The following ROBO2 variants were observed in gnomAD, a reference collection of about 807,000 sequenced individuals.
ROBO2 encodes the protein roundabout homolog 2.
Under a neutral mutation model 160.8 loss-of-function variants are expected in ROBO2, and 53 were observed. That is an observed-to-expected ratio of 0.33 (90% CI 0.26 to 0.41). The LOEUF is 0.41. Among genes scored for constraint, ROBO2 ranks in the 10% least tolerant of loss-of-function variants. The pLI is 1.00. For missense variants in ROBO2, 1,577 were observed against 1,722.4 expected, an observed-to-expected ratio of 0.92 and a Z score of 1.49; for synonymous variants, 664 against 611.7, an observed-to-expected ratio of 1.09 and a Z score of -1.26.
chr3:76,779,261 A>G lies in ROBO2; in HGVS notation c.110-318753A>G, dbSNP rs527670323. Among the ~76,000 whole-genome samples the G allele has an allele frequency of 6.0e-5, 9 of 151,188 alleles. No individual in the cohort carries two copies. The South Asian group carries it at 1.9e-3, about 31-fold the overall frequency. On this transcript the variant is annotated intron_variant, in intron 2 of 26. Transcript: ENST00000487694. ...TTGAGGATAAGCATATACTCATGAAACTATCAATATCGTCAACGCCAAAAA... is the reference window on the plus strand; with the variant it reads ...TTGAGGATAAGCATATACTCATGAAGCTATCAATATCGTCAACGCCAAAAA...
At chr3:77,115,681 G>A (rs1224859546) in intron 2 of ROBO2, among the ~76,000 whole-genome samples, 2 of 152,100 alleles carry the variant, frequency 1.3e-5, no homozygotes, top group Non-Finnish European at 2.9e-5. Flanking sequence ...TTTTGTTTGG[G>A]AGTTTAAAGA....
intron 2 of ROBO2, among the ~76,000 whole-genome samples, chr3:76,957,052 T>C (rs1577825001): frequency 6.6e-6 from 1 of 152,152 alleles, no homozygotes; most frequent in East Asian, 1.9e-4. Flanking sequence ...CTTTGTTTAA[T>C]ACCTAAGTTT....
At chr3:76,423,552 C>G (rs1233005292) in intron 2 of ROBO2, among the ~76,000 whole-genome samples, 2 of 152,050 alleles carry the variant, frequency 1.3e-5, no homozygotes, top group African/African-American at 2.4e-5. Flanking sequence ...TGTAACCCAT[C>G]AGGTTAGAAA....
chr3:76,205,873 C>A (rs1002314768), intron 2 of ROBO2, among the ~76,000 whole-genome samples: 12 of 152,202 alleles, frequency 7.9e-5, no homozygotes, highest in African/African-American at 2.9e-4. Flanking sequence ...GGGTGACACA[C>A]TAGCATCTGG....
At chr3:76,220,153 A>G (rs1703862647) in intron 2 of ROBO2, among the ~76,000 whole-genome samples, 1 of 140,992 alleles carries the variant, frequency 7.1e-6, no homozygotes, top group African/African-American at 2.6e-5. Flanking sequence ...CAGGAAGGGG[A>G]ACATCACACA....
At chr3:76,073,581 G>A (rs1006072135) in intron 2 of ROBO2, among the ~76,000 whole-genome samples, 11 of 151,888 alleles carry the variant, frequency 7.2e-5, no homozygotes, top group African/African-American at 2.4e-4. Context: ...GTGAGCTACC[G>A]CGCCCGGCAG....
rs186403089 is a variant in ROBO2, at chr3:76,292,638, T to G, written c.109+355036T>G. ...AAGTGTGGTGTTTAAACTCAAATCA[T>G]AAGAAGTAACTCATCAATCACATTT... On this transcript the variant is annotated intron_variant, in intron 2 of 26. Transcript: ENST00000487694. Among the ~76,000 whole-genome samples the G allele has an allele frequency of 1.9e-4, 29 of 152,148 alleles. No individual in the cohort carries two copies. In the East Asian group the frequency reaches 4.8e-3, roughly 25 times the overall value.
chr3:76,062,791 G>A (rs1394748109), intron 2 of ROBO2, among the ~76,000 whole-genome samples: 3 of 152,130 alleles, frequency 2.0e-5, no homozygotes, highest in East Asian at 3.9e-4. Context: ...GCTTTGCTTT[G>A]TTTTTCCCCC....
At chr3:76,098,543 T>G (rs2069547363) in intron 2 of ROBO2, among the ~76,000 whole-genome samples, 1 of 120,142 alleles carries the variant, frequency 8.3e-6, no homozygotes, top group Non-Finnish European at 1.8e-5. Flanking sequence ...CATTAGTCTT[T>G]CTGATAAAAG....
intron 6 of ROBO2, among the ~76,000 whole-genome samples, chr3:77,525,903 G>T (rs78688625): frequency 0.22 from 33,531 of 150,612 alleles, 4,145 homozygotes; most frequent in Non-Finnish European, 0.29. Flanking sequence ...ATTCAAAGAT[G>T]AAAAACAAAG....
intron 2 of ROBO2, among the ~76,000 whole-genome samples, chr3:76,505,523 C>T (rs1490420936): frequency 1.3e-5 from 2 of 152,078 alleles, no homozygotes; most frequent in Admixed American, 1.3e-4. Context: ...GGTCATACTG[C>T]GGTAGGGTGG....
At chr3:76,759,800 G>C (rs1442399741) in intron 2 of ROBO2, among the ~76,000 whole-genome samples, 3 of 151,742 alleles carry the variant, frequency 2.0e-5, no homozygotes, top group Non-Finnish European at 4.4e-5. Context: ...CTTCATTGCT[G>C]TAACTTCCTA....
chr3:77,239,410 T>A (rs990330760), intron 2 of ROBO2, among the ~76,000 whole-genome samples: 1 of 152,144 alleles, frequency 6.6e-6, no homozygotes, highest in African/African-American at 2.4e-5. Context: ...GCAGTGAGTG[T>A]TACAACTCAT....
Position 76,599,951 on chromosome 3 carries a change from T to A in ROBO2, c.110-498063T>A, listed in dbSNP as rs138277963. ...ATAGATGCTAAATATTAGACCTTTG[T>A]CATGTGCATAGTTCTCAAATAGTTT... On this transcript the variant is annotated intron_variant, in intron 2 of 26. Transcript: ENST00000487694. Among the ~76,000 whole-genome samples, 3 of 152,366 alleles carry A rather than the reference T, an allele frequency of 2.0e-5. No individual in the cohort carries two copies. The East Asian group carries it at 5.8e-4, about 29-fold the overall frequency.
At chr3:75,984,437 T>A (rs1342408358) in intron 2 of ROBO2, among the ~76,000 whole-genome samples, 4 of 151,370 alleles carry the variant, frequency 2.6e-5, no homozygotes, top group African/African-American at 9.7e-5. Flanking sequence ...CAGATTAGGA[T>A]CTCTGGATAA....
At chr3:75,941,510 G>T (rs1948052531) in intron 2 of ROBO2, among the ~76,000 whole-genome samples, 3 of 152,156 alleles carry the variant, frequency 2.0e-5, no homozygotes, top group Middle Eastern at 3.4e-3. Flanking sequence ...TAATCAATTT[G>T]GTTTCCACGA....
intron 2 of ROBO2, among the ~76,000 whole-genome samples, chr3:76,891,307 A>T (rs1333185558): frequency 6.6e-6 from 1 of 152,210 alleles, no homozygotes; most frequent in Admixed American, 6.5e-5. Context: ...TATGGAATAA[A>T]TTGGATGGAT....
intron 4 of ROBO2, among the ~76,000 whole-genome samples, chr3:77,489,176 A>G (rs2085755248): frequency 6.6e-6 from 1 of 152,210 alleles, no homozygotes; most frequent in Non-Finnish European, 1.5e-5. Flanking sequence ...CCTAATACCC[A>G]GGTATAAAAC....
At chr3:75,960,583 G>C (rs1179557452) in intron 2 of ROBO2, among the ~76,000 whole-genome samples, 1 of 151,708 alleles carries the variant, frequency 6.6e-6, no homozygotes, top group African/African-American at 2.4e-5. Flanking sequence ...TGTTGATTAA[G>C]CTAATAAGGT....
Sources: allele counts gnomAD v4.1 joint callset (sites outside exome capture counted in the v4.1 genomes callset), GRCh38; gene constraint gnomAD v4.1.1; transcripts MANE v1.5; gene names NCBI Gene and HGNC (gene_info 2026-07-23, HGNC 2026-07-21).